ATXN1: variants seen among roughly 807,000 people sequenced by gnomAD.
ATXN1 encodes the protein ataxin-1.
In ATXN1, 8 loss-of-function variants were observed where a neutral mutation model predicts 56.4. That is an observed-to-expected ratio of 0.14 (90% confidence interval 0.08 to 0.26). ATXN1 has a LOEUF of 0.26. Ranked by LOEUF, ATXN1 falls within the 10% of genes least tolerant of loss-of-function variation. ATXN1 has a pLI of 1.00. For synonymous variants in ATXN1, 514 were observed against 494.6 expected, an observed-to-expected ratio of 1.04 and a Z score of -0.52; for missense variants, 987 against 1,106.5, an observed-to-expected ratio of 0.89 and a Z score of 1.53.
intron 6 of ATXN1, among the ~76,000 whole-genome samples, chr6:16,473,961 CT>C (rs767355904): frequency 6.6e-6 from 1 of 152,230 alleles, no homozygotes; most frequent in Non-Finnish European, 1.5e-5. Flanking sequence ...CTCTACACAT[CT>C]CATTGATCAT....
At chr6:16,645,641 C>A (rs2113825332) in intron 3 of ATXN1, among the ~76,000 whole-genome samples, 1 of 152,246 alleles carries the variant, frequency 6.6e-6, no homozygotes, top group South Asian at 2.1e-4. Flanking sequence ...GTCCCAGTGA[C>A]CTCATCCATT....
chr6:16,477,788 A>G (rs963865785), intron 6 of ATXN1, among the ~76,000 whole-genome samples: 8 of 152,114 alleles, frequency 5.3e-5, no homozygotes, highest in Non-Finnish European at 1.0e-4. Flanking sequence ...CTACCCATTA[A>G]TTCATTTGTT....
At chr6:16,600,716 C>T (rs1187244226) in intron 3 of ATXN1, among the ~76,000 whole-genome samples, 1 of 152,182 alleles carries the variant, frequency 6.6e-6, no homozygotes, top group African/African-American at 2.4e-5. Context: ...ACCCATTCAA[C>T]AACAAATGTT....
In ATXN1 at chr6:16,650,561, T is replaced by C. The variant is rs138298443; in HGVS notation, c.-489+7215A>G. On this transcript the variant is annotated intron_variant, in intron 3 of 7. Coordinates refer to ENST00000436367, the MANE Select transcript of ATXN1 (RefSeq NM_001128164.2). ...AATGTGTTTGCACAATTTTGAAATA[T>C]GAATTTTATACTTAACATTTGTTGG... 3.2e-4 allele frequency among the ~76,000 whole-genome samples: 49 copies of C among 152,356 alleles called. No individual in the cohort carries two copies. In the East Asian group the frequency reaches 8.7e-3, roughly 27 times the overall value.
At chr6:16,624,759 C>A (rs937087415) in intron 3 of ATXN1, among the ~76,000 whole-genome samples, 2 of 152,108 alleles carry the variant, frequency 1.3e-5, no homozygotes, top group Non-Finnish European at 2.9e-5. Context: ...AACGACTCTG[C>A]AAAAACAAGG....
At chr6:16,352,986 G>A (rs1343274606) in intron 6 of ATXN1, among the ~76,000 whole-genome samples, 1 of 152,154 alleles carries the variant, frequency 6.6e-6, no homozygotes, top group African/African-American at 2.4e-5. Context: ...ATGGCCGCTA[G>A]GTGACTCACC....
chr6:16,484,847 T>C (rs1223948573), intron 6 of ATXN1, among the ~76,000 whole-genome samples: 1 of 152,102 alleles, frequency 6.6e-6, no homozygotes, highest in Admixed American at 6.5e-5. Context: ...ATGCTACACT[T>C]TGCTCTTTAC....
chr6:16,655,196 A>G (rs1414824947), intron 3 of ATXN1, among the ~76,000 whole-genome samples: 1 of 152,186 alleles, frequency 6.6e-6, no homozygotes, highest in Non-Finnish European at 1.5e-5. Flanking sequence ...AAAGGACAGT[A>G]TTTCAAAAGA....
At chr6:16,396,904 G>A (rs751863370) in intron 6 of ATXN1, among the ~76,000 whole-genome samples, 4 of 152,240 alleles carry the variant, frequency 2.6e-5, no homozygotes, top group South Asian at 2.1e-4. Flanking sequence ...GCTGAGTGCT[G>A]TAGGCAATCG....
chr6:16,326,346 G>T lies in ATXN1; in HGVS notation c.1917+48C>A, dbSNP rs747883459. Reference sequence around the variant, plus strand: ...TTCGTCTTGCCAGGAGATGATGATGGCATCACGGTGTGGTGTCCCATCCCT... The same window carrying T: ...TTCGTCTTGCCAGGAGATGATGATGTCATCACGGTGTGGTGTCCCATCCCT... On this transcript the variant is annotated intron_variant, in intron 7 of 7. Transcript: ENST00000436367. The surrounding 1 kb of genome is among the most constrained non-coding windows in gnomAD (Gnocchi z 6.6). The T allele has an allele frequency of 1.8e-5, 29 of 1,598,552 alleles. No homozygotes were observed. The highest frequency in any genetic ancestry group is 2.3e-5 in the Non-Finnish European group (27 of 1,172,154).
intron 6 of ATXN1, among the ~76,000 whole-genome samples, chr6:16,335,679 G>C (rs1311412759): frequency 2.0e-5 from 3 of 152,226 alleles, no homozygotes; most frequent in Non-Finnish European, 4.4e-5. Context: ...GGTCTTTGCA[G>C]ATGTAATTAT....
intron 5 of ATXN1, among the ~76,000 whole-genome samples, chr6:16,495,746 C>T (rs1479334369): frequency 6.6e-6 from 1 of 151,884 alleles, no homozygotes; most frequent in East Asian, 1.9e-4. Context: ...GCCTGTAGTC[C>T]CAGCTACTCA....
chr6:16,453,959 G>T (rs938541852), intron 6 of ATXN1, among the ~76,000 whole-genome samples: 2 of 151,826 alleles, frequency 1.3e-5, no homozygotes, highest in Non-Finnish European at 2.9e-5. Flanking sequence ...TGGCCAACAT[G>T]GCAAAACCCC....
chr6:16,432,947 T>C (rs1187233649), intron 6 of ATXN1: 2 of 152,196 alleles, frequency 1.3e-5, no homozygotes, highest in African/African-American at 4.8e-5. Flanking sequence ...AATCCTCACC[T>C]CTCAGTTCAG....
At chr6:16,475,459 G>A in intron 6 of ATXN1, among the ~76,000 whole-genome samples, 1 of 152,140 alleles carries the variant, frequency 6.6e-6, no homozygotes. Flanking sequence ...AGTTATTAGG[G>A]AGCAATCACT....
At chr6:16,558,499 C>T (rs1226543474) in intron 4 of ATXN1, among the ~76,000 whole-genome samples, 3 of 151,996 alleles carry the variant, frequency 2.0e-5, no homozygotes, top group Non-Finnish European at 2.9e-5. Context: ...CTCAGCCTCC[C>T]GAGTACAAAC....
intron 6 of ATXN1, among the ~76,000 whole-genome samples, chr6:16,413,270 C>T (rs1344978788): frequency 1.3e-5 from 2 of 152,106 alleles, no homozygotes; most frequent in Non-Finnish European, 2.9e-5. Flanking sequence ...AGAATTCAAA[C>T]CCAGGCCTGT....
Position 16,306,194 on chromosome 6 carries a change from T to A in ATXN1, c.*135A>T, listed in dbSNP as rs1235904767. 1.8e-6 allele frequency: 2 copies of A among 1,136,400 alleles called. No homozygotes were observed. The highest frequency in any genetic ancestry group is 3.1e-5 in the South Asian group (2 of 65,378). The allele number at this position is 1,136,400 out of a possible 1,614,324, so 70.4% of individuals were successfully genotyped here. A position where few individuals can be genotyped will look rare whatever the true frequency, so the allele number is the denominator to read the frequency against. On this transcript the variant is annotated 3_prime_UTR_variant, in exon 8 of 8. Coordinates refer to ENST00000436367, the MANE Select transcript of ATXN1 (RefSeq NM_001128164.2). The surrounding 1 kb of genome is among the most constrained non-coding windows in gnomAD (Gnocchi z 5.2). The stretch of plus-strand genomic sequence containing the variant: ...TCTCCTGCGACACACCTGCTGTAAC[T>A]CTAATGACAAGGTTAGAACAGAAAC...
At chr6:16,749,272 A>G (rs190587365) in intron 2 of ATXN1, among the ~76,000 whole-genome samples, 25 of 152,352 alleles carry the variant, frequency 1.6e-4, no homozygotes, top group South Asian at 4.1e-4. Context: ...TGATTTACGC[A>G]TATCATGTGA....
Sources: gnomAD v4.1 joint callset for allele counts (sites outside exome capture counted in the v4.1 genomes callset) on GRCh38, gnomAD v4.1.1 for gene constraint, Gnocchi (gnomAD v3.1) non-coding constraint, MANE v1.5 for transcripts, NCBI Gene and HGNC (gene_info 2026-07-23, HGNC 2026-07-21) for gene names.